The following PIK3C2G variants were observed in gnomAD, a reference collection of about 807,000 sequenced individuals.
PIK3C2G encodes phosphatidylinositol-4-phosphate 3-kinase catalytic subunit type 2 gamma.
A neutral mutation model predicts 181.1 loss-of-function variants in PIK3C2G; 168 were observed. That is an observed-to-expected ratio of 0.93 (90% CI 0.82 to 1.05). The LOEUF (loss-of-function observed/expected upper bound fraction) is 1.05, where lower values mean the gene tolerates loss of function less well. PIK3C2G is among the 50% of genes least tolerant of loss of function. PIK3C2G has a pLI of 0.00. For synonymous variants in PIK3C2G, 573 were observed against 592.2 expected (o/e 0.97, Z 0.47); for missense variants, 1,869 against 1,732.8 (o/e 1.08, Z -1.40).
At chr12:18,298,833 C>CT (rs1469052661) in intron 5 of PIK3C2G, among the ~76,000 whole-genome samples, 1 of 151,768 alleles carries the variant, frequency 6.6e-6, no homozygotes, top group Non-Finnish European at 1.5e-5. Flanking sequence ...TCCTCAACAT[C>CT]TTTGTCAAAA....
chr12:18,387,819 T>C (rs1373131075), intron 14 of PIK3C2G, among the ~76,000 whole-genome samples: 1 of 152,234 alleles, frequency 6.6e-6, no homozygotes, highest in Non-Finnish European at 1.5e-5. Context: ...AAATTAATGA[T>C]ATGTATCCAT....
In PIK3C2G at chr12:18,385,058, G is replaced by C. The variant is rs539709679; in HGVS notation, c.1995+3178G>C. On this transcript the variant is annotated intron_variant, in intron 14 of 32. Coordinates refer to ENST00000538779, the MANE Select transcript of PIK3C2G (RefSeq NM_001288772.2). ...AAGTTCTGCATCCAGTGTTTCGTTA[G>C]GGAGTTAGTATGAGTCTCGGGGAAA... Among the ~76,000 whole-genome samples, 22 of 152,238 alleles carry C rather than the reference G, an allele frequency of 1.4e-4. No individual in the cohort carries two copies. In the South Asian group the frequency reaches 1.5e-3, roughly 10 times the overall value.
intron 18 of PIK3C2G, among the ~76,000 whole-genome samples, chr12:18,459,570 C>G (rs1947809097): frequency 2.0e-5 from 3 of 152,110 alleles, no homozygotes; most frequent in Admixed American, 2.0e-4. Context: ...CTGTTAGGAA[C>G]AATTAAATTC....
chr12:18,636,324 G>A (rs888511436), intron 31 of PIK3C2G, among the ~76,000 whole-genome samples: 16 of 152,036 alleles, frequency 1.1e-4, no homozygotes, highest in African/African-American at 3.4e-4. Flanking sequence ...CCTCTGCCTC[G>A]TGGGTTCAAA....
At chr12:18,684,405 AT>A in the PIK3C2G span, 1 of 856,244 alleles carries the variant, frequency 1.2e-6, no homozygotes. Context: ...TTTAGAGCAC[AT>A]AGGTTTTTAA....
rs543587394 is a variant in PIK3C2G at position 18,500,362 on chromosome 12, G to A, written c.3016+2614G>A. On this transcript the variant is annotated intron_variant, in intron 22 of 32. Coordinates refer to ENST00000538779, the MANE Select transcript of PIK3C2G (RefSeq NM_001288772.2). Reference sequence around the variant, plus strand: ...CCAGCGCTGCGCTGGATTTCTCGCCGGGCCTTAGCTGCCTTCCCGCGGGGC... The same window carrying A: ...CCAGCGCTGCGCTGGATTTCTCGCCAGGCCTTAGCTGCCTTCCCGCGGGGC... Among the ~76,000 whole-genome samples, 3 of 152,280 alleles carry A rather than the reference G, an allele frequency of 2.0e-5. No individual in the cohort carries two copies. In the East Asian group the frequency reaches 5.8e-4, roughly 30 times the overall value.
the PIK3C2G span, among the ~76,000 whole-genome samples, chr12:18,715,957 C>G: frequency 7.2e-3 from 1,090 of 152,260 alleles, 13 homozygotes; most frequent in African/African-American, 0.025. Context: ...GAAATCTTGT[C>G]TGGCCCGTGG....
intron 8 of PIK3C2G, among the ~76,000 whole-genome samples, chr12:18,334,298 T>G (rs1035976913): frequency 6.6e-6 from 1 of 152,120 alleles, no homozygotes; most frequent in African/African-American, 2.4e-5. Flanking sequence ...TAAGAAAAAT[T>G]TTTCTTATAT....
Position 18,288,119 on chromosome 12 carries a change from G to A in PIK3C2G, c.761+1190G>A, listed in dbSNP as rs575930255. Among the ~76,000 whole-genome samples, 151 of 152,094 alleles carry A rather than the reference G, an allele frequency of 9.9e-4. 3 individuals carry two copies. The highest frequency in any genetic ancestry group is 3.5e-3 in the African/African-American group (145 of 41,494). On this transcript the variant is annotated intron_variant, in intron 3 of 32. Coordinates refer to ENST00000538779, the MANE Select transcript of PIK3C2G (RefSeq NM_001288772.2). Reference sequence around the variant, plus strand: ...GGAGATTGCAGTGAGCTGAGGTCGCGCCACTGCACTCTAGCCTGGGTGACA... The same window carrying A: ...GGAGATTGCAGTGAGCTGAGGTCGCACCACTGCACTCTAGCCTGGGTGACA...
At chr12:18,634,012 T>C (rs1021053111) in intron 31 of PIK3C2G, among the ~76,000 whole-genome samples, 2 of 152,144 alleles carry the variant, frequency 1.3e-5, no homozygotes, top group African/African-American at 2.4e-5. Context: ...GAAAGCGCCA[T>C]ATATTGGATG....
At chr12:18,506,637 A>C (rs1413307538) in intron 24 of PIK3C2G, among the ~76,000 whole-genome samples, 1 of 152,220 alleles carries the variant, frequency 6.6e-6, no homozygotes, top group Non-Finnish European at 1.5e-5. Context: ...CAAATGACTG[A>C]ATAATTATAT....
At chr12:18,670,752 C>A in the PIK3C2G span, among the ~76,000 whole-genome samples, 2 of 152,122 alleles carry the variant, frequency 1.3e-5, no homozygotes, top group African/African-American at 4.8e-5. Flanking sequence ...TCATCCTGAA[C>A]TATTTTAGGT....
At chr12:18,705,774 G>A in the PIK3C2G span, among the ~76,000 whole-genome samples, 1 of 151,954 alleles carries the variant, frequency 6.6e-6, no homozygotes, top group African/African-American at 2.4e-5. Flanking sequence ...ACTAAGGCAG[G>A]AGAATCACTT....
intron 18 of PIK3C2G, among the ~76,000 whole-genome samples, chr12:18,445,278 C>T (rs1456156074): frequency 6.6e-6 from 1 of 151,746 alleles, no homozygotes; most frequent in Non-Finnish European, 1.5e-5. Context: ...CCCTACAAAC[C>T]CATAAAAGTG....
intron 22 of PIK3C2G, among the ~76,000 whole-genome samples, chr12:18,502,580 A>T (rs1031222677): frequency 1.3e-5 from 2 of 152,194 alleles, no homozygotes; most frequent in Non-Finnish European, 2.9e-5. Flanking sequence ...ACAGTATGAA[A>T]ATCAGAAGGT....
intron 18 of PIK3C2G, among the ~76,000 whole-genome samples, chr12:18,447,599 G>T (rs903116922): frequency 1.3e-5 from 2 of 152,018 alleles, no homozygotes; most frequent in Non-Finnish European, 2.9e-5. Context: ...AATATGTTAC[G>T]AGGGAGTATT....
intron 24 of PIK3C2G, among the ~76,000 whole-genome samples, chr12:18,525,381 A>G (rs1943168134): frequency 6.6e-6 from 1 of 150,926 alleles, no homozygotes; most frequent in Non-Finnish European, 1.5e-5. Context: ...CAACAAAAGC[A>G]AAACCCCATC....
upstream of PIK3C2G, among the ~76,000 whole-genome samples, chr12:18,244,117 T>C (rs1225301574): frequency 6.6e-6 from 1 of 151,908 alleles, no homozygotes; most frequent in Admixed American, 6.5e-5. Flanking sequence ...AAAATGATCT[T>C]GGTAAATTCA....
At position 18,298,409 on chromosome 12, in the gene PIK3C2G, T is replaced by A. The variant is rs1319435867; in HGVS notation, c.1034+4394T>A. 2.2e-4 allele frequency among the ~76,000 whole-genome samples: 9 copies of A among 41,326 alleles called. No homozygotes were observed. In the East Asian group the frequency reaches 4.0e-3, roughly 18 times the overall value. 27.1% of individuals were successfully genotyped at this position (41,326 alleles called of 152,430 possible). A position where few individuals can be genotyped will look rare whatever the true frequency, so the allele number is the denominator to read the frequency against. On this transcript the variant is annotated intron_variant, in intron 5 of 32. Transcript: ENST00000538779. ...TCATTTTTAGTTTGTGTGTTTTTTC[T>A]TTTTTTTTTTTTGCTGTTGAGTTTC...
Sources: gnomAD v4.1 joint callset for allele counts (sites outside exome capture counted in the v4.1 genomes callset) on GRCh38, gnomAD v4.1.1 for gene constraint, MANE v1.5 for transcripts, NCBI Gene and HGNC (gene_info 2026-07-23, HGNC 2026-07-21) for gene names.